Variants in TMEM45A observed in about 807,000 individuals in gnomAD.
TMEM45A encodes transmembrane protein 45A.
In TMEM45A, 25 loss-of-function variants were observed where a neutral mutation model predicts 32.0. The ratio of observed to expected loss-of-function variants is 0.78; its 90% CI spans 0.57 to 1.09. The LOEUF (loss-of-function observed/expected upper bound fraction) is 1.09, where lower values mean the gene tolerates loss of function less well. TMEM45A is among the 50% of genes least tolerant of loss of function. The pLI is 0.00. For missense variants in TMEM45A, 302 were observed against 325.0 expected, an observed-to-expected ratio of 0.93 and a Z score of 0.54; for synonymous variants, 122 against 114.8, an observed-to-expected ratio of 1.06 and a Z score of -0.40.
chr3:100,507,744 T>C (rs4928109), intron 1 of TMEM45A, among the ~76,000 whole-genome samples: 144,168 of 152,138 alleles, frequency 0.95, 68,372 homozygotes, highest in East Asian at 1. Flanking sequence ...ACAAAGACAA[T>C]AACACTAGAA....
intron 1 of TMEM45A, among the ~76,000 whole-genome samples, chr3:100,501,250 G>A (rs1708004441): frequency 1.3e-5 from 2 of 152,172 alleles, no homozygotes; most frequent in Non-Finnish European, 2.9e-5. Context: ...CTAGTCCTGT[G>A]GTACCTAACC....
At chr3:100,523,158 C>T (rs1255470503) in intron 1 of TMEM45A, among the ~76,000 whole-genome samples, 1 of 152,236 alleles carries the variant, frequency 6.6e-6, no homozygotes, top group Non-Finnish European at 1.5e-5. Flanking sequence ...TCTTCTGCAT[C>T]GCTTAGAACA....
chr3:100,521,916 G>A (rs1413709016), intron 1 of TMEM45A, among the ~76,000 whole-genome samples: 5 of 152,128 alleles, frequency 3.3e-5, no homozygotes, highest in African/African-American at 9.7e-5. Context: ...ATTTTTATAC[G>A]TTTGCTTGTT....
intron 1 of TMEM45A, among the ~76,000 whole-genome samples, chr3:100,535,390 A>C (rs532813803): frequency 3.9e-5 from 6 of 152,126 alleles, no homozygotes; most frequent in Middle Eastern, 3.4e-3. Flanking sequence ...TGAACTATAA[A>C]TTTCCCAACA....
intron 1 of TMEM45A, among the ~76,000 whole-genome samples, chr3:100,553,235 A>C (rs1706143875): frequency 6.6e-6 from 1 of 152,208 alleles, no homozygotes; most frequent in Admixed American, 6.5e-5. Flanking sequence ...TGTAACTAAC[A>C]AATTATAAAG....
At chr3:100,559,170 G>T (rs1706280338) in intron 4 of TMEM45A, among the ~76,000 whole-genome samples, 1 of 152,134 alleles carries the variant, frequency 6.6e-6, no homozygotes, top group Non-Finnish European at 1.5e-5. Flanking sequence ...TAACCTTGAT[G>T]AATTGTTGAA....
rs572357969 is a variant in TMEM45A, at chr3:100,556,698, C to T, written c.191-62C>T. Reference sequence around the variant, plus strand: ...TGGAATAAGCAATGGACTAGTCCTCCTGCATCTTCTTGAATTCTATGTAAA... The same window carrying T: ...TGGAATAAGCAATGGACTAGTCCTCTTGCATCTTCTTGAATTCTATGTAAA... On this transcript the variant is annotated intron_variant, in intron 2 of 5. Coordinates refer to ENST00000323523, the MANE Select transcript of TMEM45A (RefSeq NM_018004.3). The T allele has an allele frequency of 1.7e-5, 24 of 1,443,110 alleles. No individual in the cohort carries two copies. In the South Asian group the frequency reaches 2.5e-4, roughly 15 times the overall value. 89.4% of individuals were successfully genotyped at this position (1,443,110 alleles called of 1,614,324 possible).
intron 4 of TMEM45A, among the ~76,000 whole-genome samples, chr3:100,563,789 A>G (rs548880162): frequency 3.3e-5 from 5 of 152,284 alleles, no homozygotes; most frequent in African/African-American, 1.2e-4. Flanking sequence ...TGGCTCCCAC[A>G]GTGAGCTTTC....
At chr3:100,559,978 G>A (rs1291925489) in intron 4 of TMEM45A, among the ~76,000 whole-genome samples, 1 of 152,176 alleles carries the variant, frequency 6.6e-6, no homozygotes, top group Non-Finnish European at 1.5e-5. Context: ...AGCTGAGCCT[G>A]CAGGCCCAGA....
chr3:100,544,611 C>T (rs527687271), intron 1 of TMEM45A, among the ~76,000 whole-genome samples: 14 of 152,074 alleles, frequency 9.2e-5, no homozygotes, highest in Non-Finnish European at 1.9e-4. Flanking sequence ...TGGAACTATG[C>T]AGTAAGTACC....
At chr3:100,530,259 C>T (rs1373844770) in intron 1 of TMEM45A, among the ~76,000 whole-genome samples, 2 of 152,140 alleles carry the variant, frequency 1.3e-5, no homozygotes, top group African/African-American at 2.4e-5. Flanking sequence ...GGAATTGGCT[C>T]ACACAATTTT....
At chr3:100,506,236 C>T (rs1359718082) in intron 1 of TMEM45A, among the ~76,000 whole-genome samples, 1 of 152,178 alleles carries the variant, frequency 6.6e-6, no homozygotes, top group East Asian at 1.9e-4. Flanking sequence ...GAATAATTAG[C>T]AGTCTAGAGC....
Position 100,565,862 on chromosome 3 carries a change from C to T in TMEM45A, c.589-2960C>T, listed in dbSNP as rs570451488. ...ATTCACAATGTTGTGCCCCCATCAG[C>T]TCTATCTGTTCCAAAACATTTTCAT... On this transcript the variant is annotated intron_variant, in intron 4 of 5. Coordinates refer to ENST00000323523, the MANE Select transcript of TMEM45A (RefSeq NM_018004.3). 1.1e-3 allele frequency among the ~76,000 whole-genome samples: 174 copies of T among 152,274 alleles called. 1 individual carries two copies. The highest frequency in any genetic ancestry group is 3.3e-3 in the Admixed American group (50 of 15,296).
chr3:100,492,755 T>TCCCCCCCCCC lies in TMEM45A; in HGVS notation c.-175_-174insCCCCCCCCCC, dbSNP rs755848570. The TCCCCCCCCCC allele has an allele frequency of 4.2e-4, 60 of 143,504 alleles. No individual in the cohort carries two copies. The highest frequency in any genetic ancestry group is 4.9e-4 in the Non-Finnish European group (32 of 65,978). The allele number at this position is 143,504 out of a possible 1,614,324, so 8.9% of individuals were successfully genotyped here. ...CGACTAGGGACCCAAGTTTAAAAAT[T>TCCCCCCCCCC]CCTCCCCCCACCCAATGCGAGACGT... On this transcript the variant is annotated 5_prime_UTR_variant, in exon 1 of 6. Coordinates refer to ENST00000323523, the MANE Select transcript of TMEM45A (RefSeq NM_018004.3).
intron 1 of TMEM45A, chr3:100,519,195 A>G (rs989599720): frequency 9.3e-6 from 2 of 214,118 alleles, no homozygotes; most frequent in East Asian, 1.0e-4. Flanking sequence ...GAGCTGTTGC[A>G]ATGTGTATGC....
chr3:100,548,167 G>A (rs968945146), intron 1 of TMEM45A, among the ~76,000 whole-genome samples: 3 of 152,122 alleles, frequency 2.0e-5, no homozygotes, highest in Admixed American at 6.5e-5. Context: ...CTGGCTTTGG[G>A]AGCAGCTGCT....
chr3:100,512,330 A>C (rs1461678012), intron 1 of TMEM45A, among the ~76,000 whole-genome samples: 2 of 152,126 alleles, frequency 1.3e-5, no homozygotes, highest in Admixed American at 6.6e-5. Context: ...TCACTCAAAA[A>C]CACTCAACTA....
rs567328546 is a variant in TMEM45A at position 100,535,572 on chromosome 3, G to A, written c.-3-19637G>A. Among the ~76,000 whole-genome samples the A allele has an allele frequency of 4.6e-5, 7 of 152,204 alleles. No homozygotes were observed. In the South Asian group the frequency reaches 1.2e-3, roughly 27 times the overall value. ...TCCAGTATTTGAGGGTGGACATGGG[G>A]CATTATGTCTAATTGGCCAGCTCTT... On this transcript the variant is annotated intron_variant, in intron 1 of 5. Transcript: ENST00000323523.
intron 1 of TMEM45A, among the ~76,000 whole-genome samples, chr3:100,539,490 T>TATACGTATACGTATACGTATACGTATAC (rs1383500797): frequency 4.1e-5 from 3 of 72,400 alleles, no homozygotes; most frequent in Admixed American, 2.7e-4. Context: ...TATATGTATA[T>TATACGTATACGTATACGTATACGTATAC]GTATACGTAT....
Sources: allele counts gnomAD v4.1 joint callset (sites outside exome capture counted in the v4.1 genomes callset), GRCh38; gene constraint gnomAD v4.1.1; transcripts MANE v1.5; gene names NCBI Gene and HGNC (gene_info 2026-07-23, HGNC 2026-07-21).